The following UGGT1 variants were observed in gnomAD, a reference collection of about 807,000 sequenced individuals.
UGGT1 encodes the protein UDP-glucose glycoprotein glucosyltransferase 1.
Under a neutral mutation model 203.9 loss-of-function variants are expected in UGGT1, and 107 were observed. The ratio of observed to expected loss-of-function variants is 0.52; its 90% confidence interval spans 0.45 to 0.62. The LOEUF (loss-of-function observed/expected upper bound fraction) is 0.62. Among genes scored for constraint, UGGT1 ranks in the 20% least tolerant of loss-of-function variants. The probability of loss-of-function intolerance (pLI) is 0.00; values close to 1 mark genes in which losing one functional copy is unlikely to be tolerated. For missense variants in UGGT1, 1,673 were observed against 1,867.2 expected, an observed-to-expected ratio of 0.90 and a Z score of 1.92; for synonymous variants, 628 against 653.5, an observed-to-expected ratio of 0.96 and a Z score of 0.59.
In UGGT1 at chr2:128,183,739, C is replaced by T; in HGVS notation, c.4309C>T (p.Gln1437Ter). 2 of 1,614,112 alleles carry T rather than the reference C, an allele frequency of 1.2e-6. No individual in the cohort carries two copies. The highest frequency in any genetic ancestry group is 8.5e-7 in the Non-Finnish European group (1 of 1,179,986). ...AGCTGCTGGTGACAGACTCAGGGGA[C>T]AGTACCAAGGTCTGAGTCAGGACCC... ...KIAAGDRLRG[Q>*]YQGLSQDPNS... is the part of the protein sequence containing the mutation. Residue 1437 changes from glutamine (Q) to a stop codon, truncating the protein, a stop_gained, in exon 38 of 41, where the codon CAG (glutamine) becomes TAG (stop). Coordinates refer to ENST00000259253, the MANE Select transcript of UGGT1 (RefSeq NM_020120.4). LOFTEE classifies it high-confidence loss of function.
In UGGT1 at chr2:128,140,771, GC is replaced by G. The variant is rs1689382165; in HGVS notation, c.1719+1922del. On this transcript the variant is annotated intron_variant, in intron 16 of 40. Coordinates refer to ENST00000259253, the MANE Select transcript of UGGT1 (RefSeq NM_020120.4). ...GGTTTACTACAGCCTTGAACTCCTGGCCCTAAGTGATCCTCCTGCCTCAGCT... is the reference window on the plus strand; with the variant it reads ...GGTTTACTACAGCCTTGAACTCCTGGCCTAAGTGATCCTCCTGCCTCAGCT... Among the ~76,000 whole-genome samples, 5 of 152,086 alleles carry G rather than the reference GC, an allele frequency of 3.3e-5. No individual in the cohort carries two copies. The South Asian group carries it at 1.0e-3, about 32-fold the overall frequency.
chr2:128,175,492 G>T (rs1352401957), intron 31 of UGGT1, among the ~76,000 whole-genome samples: 1 of 152,188 alleles, frequency 6.6e-6, no homozygotes, highest in African/African-American at 2.4e-5. Flanking sequence ...TTGTGTAGGG[G>T]ATGATTTCCA....
rs1348789674 is a variant in UGGT1 at position 128,097,507 on chromosome 2, C to T, written c.137C>T (p.Ala46Val). 14 of 1,614,210 alleles carry T rather than the reference C, an allele frequency of 8.7e-6. No individual in the cohort carries two copies. In the East Asian group the frequency reaches 2.9e-4, roughly 33 times the overall value. ...LFSSVKADSK[A>V]ITTSLTTKWF... The stretch of plus-strand genomic sequence containing the variant: ...TCCTCAGTAAAGGCCGACTCAAAAG[C>T]CATTACAACCTCTCTTACAACAAAA... The change falls in exon 2 of 41, where the codon GCC (alanine) becomes GTC (valine). Residue 46 changes from alanine to valine, a missense_variant. Ala to Val is a moderately conservative substitution (Grantham distance 64). Coordinates refer to ENST00000259253, the MANE Select transcript of UGGT1 (RefSeq NM_020120.4).
At chr2:128,097,300 T>C (rs1687154797) in intron 1 of UGGT1, 129 bp from the exon 2 acceptor site, 3 of 1,065,504 alleles carry the variant, frequency 2.8e-6, no homozygotes, top group Middle Eastern at 3.0e-4. Flanking sequence ...CGCTTGAACC[T>C]GGGAGGCAGA....
At chr2:128,170,154 G>A in intron 26 of UGGT1, 134 bp from the exon 27 acceptor site, 1 of 653,628 alleles carries the variant, frequency 1.5e-6, no homozygotes. Flanking sequence ...CATATAGTTG[G>A]CCACTGTCAT....
chr2:128,156,582 G>A (rs1278675651), intron 21 of UGGT1, among the ~76,000 whole-genome samples, 167 bp downstream of exon 21: 1 of 137,314 alleles, frequency 7.3e-6, no homozygotes, highest in East Asian at 2.1e-4. Context: ...TTTTGAGACA[G>A]AGTCTCATTC....
At chr2:128,120,335 T>A (rs1558766887) in intron 8 of UGGT1, 21 bp from the exon 9 acceptor site, 1 of 1,599,962 alleles carries the variant, frequency 6.3e-7, no homozygotes, top group Non-Finnish European at 8.5e-7. Flanking sequence ...TGAAAAGGAC[T>A]GATTTTTATG....
At chr2:128,151,837 A>G (rs1341099025) in intron 18 of UGGT1, among the ~76,000 whole-genome samples, 1 of 152,108 alleles carries the variant, frequency 6.6e-6, no homozygotes, top group East Asian at 1.9e-4. Flanking sequence ...TGATTATACT[A>G]CTACACTCCA....
At chr2:128,156,356 C>CT in intron 20 of UGGT1, 36 bp from the exon 21 acceptor site, 2 of 1,541,448 alleles carry the variant, frequency 1.3e-6, no homozygotes, top group Non-Finnish European at 1.8e-6. Context: ...AGAAATGATA[C>CT]TTTTTTTCTA....
Position 128,189,829 on chromosome 2 carries a change from C to A in UGGT1, c.*87C>A. The A allele has an allele frequency of 6.7e-7, 1 of 1,488,504 alleles. No individual in the cohort carries two copies. The highest frequency in any genetic ancestry group is 9.2e-7 in the Non-Finnish European group (1 of 1,082,414). 92.2% of individuals were successfully genotyped at this position (1,488,504 alleles called of 1,614,324 possible). A position where few individuals can be genotyped will look rare whatever the true frequency, so the allele number is the denominator to read the frequency against. ...TTTTTCTGATCTGTCTATACAACTG[C>A]TGATAAGCCGGCTGGGCAGGAGTGC... On this transcript the variant is annotated 3_prime_UTR_variant, in exon 41 of 41. Transcript: ENST00000259253.
At chr2:128,104,837 G>A (rs1053017797) in intron 3 of UGGT1, among the ~76,000 whole-genome samples, 1 of 151,894 alleles carries the variant, frequency 6.6e-6, no homozygotes, top group African/African-American at 2.4e-5. Flanking sequence ...AGTAGAGATG[G>A]GGTTTCCCCA....
chr2:128,126,975 GC>G, intron 11 of UGGT1, among the ~76,000 whole-genome samples: 1 of 152,244 alleles, frequency 6.6e-6, no homozygotes, highest in Middle Eastern at 3.4e-3. Context: ...GAGCCTCTGT[GC>G]CTGGCCTGGA....
At chr2:128,130,527 T>G (rs1484220177) in intron 13 of UGGT1, among the ~76,000 whole-genome samples, 3 of 152,148 alleles carry the variant, frequency 2.0e-5, no homozygotes, top group African/African-American at 7.2e-5. Context: ...TAAAAGATAA[T>G]AACATCAACA....
At position 128,183,681 on chromosome 2, in the gene UGGT1, A is replaced by G. The variant is rs1439649164; in HGVS notation, c.4251A>G (p.Leu1417=). ...GCGGGTCTTCTTTATTCAGTGCACT[A>G]TATGTTGTGGATCTGAAGAAGTTTA... ...LAGRKYHISA[L]YVVDLKKFRK... is the part of the protein sequence containing the mutation. The change falls in exon 38 of 41, where the codon CTA becomes CTG. Residue 1417 remains leucine (L), a synonymous_variant. Coordinates refer to ENST00000259253, the MANE Select transcript of UGGT1 (RefSeq NM_020120.4). 2.5e-6 allele frequency: 4 copies of G among 1,613,152 alleles called. No homozygotes were observed. The highest frequency in any genetic ancestry group is 2.5e-6 in the Non-Finnish European group (3 of 1,179,228).
intron 8 of UGGT1, 130 bp from the exon 9 acceptor site, chr2:128,120,226 T>C (rs1432932720): frequency 7.1e-6 from 5 of 705,288 alleles, no homozygotes; most frequent in African/African-American, 3.6e-5. Flanking sequence ...ACTTCATTTT[T>C]TCCCCCTATG....
Position 128,157,335 on chromosome 2 carries a change from A to T in UGGT1, c.2344A>T (p.Ile782Phe). Residue 782 changes from isoleucine (I) to phenylalanine (F), a missense_variant, in exon 22 of 41, where the codon ATC becomes TTC. Coordinates refer to ENST00000259253, the MANE Select transcript of UGGT1 (RefSeq NM_020120.4). The part of the protein sequence containing the change: ...PSGRQLLYDA[I>F]KHQKSSNNVR... ...TGGACGGCAGTTACTGTATGATGCC[A>T]TCAAACATCAGGCAAGTATCTATGA... 1 of 1,613,934 alleles carries T rather than the reference A, an allele frequency of 6.2e-7. No homozygotes were observed. Among genetic ancestry groups the T allele is most frequent in the South Asian group, 1.1e-5 (1 of 91,080 alleles).
intron 17 of UGGT1, 28 bp from the exon 18 acceptor site, chr2:128,145,775 A>T (rs1689657384): frequency 1.3e-6 from 2 of 1,510,440 alleles, no homozygotes; most frequent in Non-Finnish European, 8.9e-7. Context: ...GCAAAAATAT[A>T]CTGTTTTTGT....
chr2:128,129,268 C>A (rs1449286103), intron 13 of UGGT1, 89 bp downstream of exon 13: 4 of 1,395,576 alleles, frequency 2.9e-6, no homozygotes, highest in Non-Finnish European at 3.8e-6. Context: ...GGTGAAGTTA[C>A]TCCCACCATC....
At chr2:128,145,748 C>T (rs1450892921) in intron 17 of UGGT1, 55 bp from the exon 18 acceptor site, 8 of 1,442,728 alleles carry the variant, frequency 5.5e-6, no homozygotes, top group South Asian at 3.2e-5. Flanking sequence ...TGCTGTGTTC[C>T]ATTTGTCTCA....
Sources: gnomAD v4.1 joint callset for allele counts (sites outside exome capture counted in the v4.1 genomes callset) on GRCh38, gnomAD v4.1.1 for gene constraint, MANE v1.5 for transcripts, NCBI Gene and HGNC (gene_info 2026-07-23, HGNC 2026-07-21) for gene names.